The following TIAM1 variants were observed in gnomAD, a reference collection of about 807,000 sequenced individuals.
TIAM1 encodes TIAM Rac1 associated GEF 1.
In TIAM1, 65 loss-of-function variants were observed where a neutral mutation model predicts 163.5. That is an observed-to-expected ratio of 0.40 (90% CI 0.33 to 0.49). The LOEUF is 0.49. TIAM1 is among the 20% of genes least tolerant of loss of function. TIAM1 has a pLI of 0.77. For missense variants in TIAM1, 1,789 were observed against 2,044.7 expected (o/e 0.87, Z 2.41); for synonymous variants, 833 against 810.1 (o/e 1.03, Z -0.48).
Position 31,546,719 on chromosome 21 carries a change from C to G in TIAM1, c.-422+12208G>C, listed in dbSNP as rs566111437. ...AAAAAATTCAAGGATATGCATGTCA[C>G]AGCATCTACAGTGGGAGTAAAAACT... On this transcript the variant is annotated intron_variant, in intron 1 of 28. Coordinates refer to the TIAM1 transcript ENST00000286827. Among the ~76,000 whole-genome samples the G allele has an allele frequency of 4.5e-4, 68 of 152,310 alleles. No homozygotes were observed. In the South Asian group the frequency reaches 6.4e-3, roughly 14 times the overall value.
intron 8 of TIAM1, among the ~76,000 whole-genome samples, chr21:31,218,026 G>C (rs969206767): frequency 6.6e-6 from 1 of 152,128 alleles, no homozygotes; most frequent in African/African-American, 2.4e-5. Context: ...CTACAGCAAG[G>C]GAAATGAGCC....
At chr21:31,134,053 C>T (rs914416091) in intron 23 of TIAM1, among the ~76,000 whole-genome samples, 58 of 152,050 alleles carry the variant, frequency 3.8e-4, no homozygotes, top group Admixed American at 3.2e-3. Flanking sequence ...GGCAACACAG[C>T]GAGACTCCAT....
chr21:31,215,589 A>AG (rs1555893146), intron 9 of TIAM1, among the ~76,000 whole-genome samples: 7 of 147,554 alleles, frequency 4.7e-5, no homozygotes, highest in African/African-American at 1.9e-4. Context: ...AAAAAAAAAA[A>AG]GAAGAGAAAT....
At chr21:31,520,440 G>T (rs887738182) in intron 1 of TIAM1, among the ~76,000 whole-genome samples, 3 of 151,914 alleles carry the variant, frequency 2.0e-5, no homozygotes, top group South Asian at 4.2e-4. Flanking sequence ...ATAGGTTTTT[G>T]AGTGCGGTTT....
intron 2 of TIAM1, among the ~76,000 whole-genome samples, chr21:31,460,031 A>G (rs1023428386): frequency 1.3e-5 from 2 of 152,190 alleles, no homozygotes; most frequent in African/African-American, 4.8e-5. Flanking sequence ...CCCAGATTAC[A>G]GTGTGGATCT....
chr21:31,417,117 G>A (rs1233002522), intron 2 of TIAM1, among the ~76,000 whole-genome samples: 1 of 152,144 alleles, frequency 6.6e-6, no homozygotes, highest in Non-Finnish European at 1.5e-5. Flanking sequence ...CTGCCTCCTG[G>A]GTTCAAGCAA....
chr21:31,225,702 A>G (rs368428297), intron 7 of TIAM1, 24 bp downstream of exon 7: 394 of 1,569,562 alleles, frequency 2.5e-4, no homozygotes, highest in Non-Finnish European at 3.3e-4. Context: ...TTTTGTCCGG[A>G]CCTAAACACG....
chr21:31,522,603 GCCCTTGTT>G lies in TIAM1; in HGVS notation c.-422+36316_-422+36323del, dbSNP rs2047641245. ...AAACATAATTGTTTATCGTCAGGGAGCCCTTGTTCCTGGGCTGGGCCTCAGGCTTCCCA... is the reference window on the plus strand; with the variant it reads ...AAACATAATTGTTTATCGTCAGGGAGCCTGGGCTGGGCCTCAGGCTTCCCA... On this transcript the variant is annotated intron_variant, in intron 1 of 28. Transcript: ENST00000286827. 5.9e-5 allele frequency among the ~76,000 whole-genome samples: 9 copies of G among 152,084 alleles called. No individual in the cohort carries two copies. The South Asian group carries it at 8.3e-4, about 14-fold the overall frequency.
chr21:31,154,253 G>A lies in TIAM1; in HGVS notation c.3165C>T (p.Tyr1055=), dbSNP rs373676358. Residue 1055 remains tyrosine, a synonymous_variant, in exon 17 of 28, where the codon TAC becomes TAT. Transcript: ENST00000541036. ...GGAGAAAAAAGAAACATACCTTCAC[G>A]TAGGTGCGCTCCGTCTCCAGGAGCT... The part of the protein sequence containing the change: ...ICELLETERT[Y]VKDLNCLMER... 12 of 1,613,594 alleles carry A rather than the reference G, an allele frequency of 7.4e-6. No homozygotes were observed. In the African/African-American group the frequency reaches 8.0e-5, roughly 11 times the overall value.
At chr21:31,363,437 G>T (rs562692031) in intron 2 of TIAM1, among the ~76,000 whole-genome samples, 33 of 151,876 alleles carry the variant, frequency 2.2e-4, no homozygotes, top group African/African-American at 7.5e-4. Context: ...TTTTTTAAAT[G>T]GTTTTACTGC....
chr21:31,266,790 G>T lies in TIAM1; in HGVS notation c.183C>A (p.Thr61=), dbSNP rs760267512. 3 of 1,614,216 alleles carry T rather than the reference G, an allele frequency of 1.9e-6. No individual in the cohort carries two copies. The highest frequency in any genetic ancestry group is 2.2e-5 in the South Asian group (2 of 91,086). The change falls in exon 4 of 28, where the codon ACC becomes ACA. Residue 61 remains threonine (T), a synonymous_variant. Coordinates refer to ENST00000541036, the MANE Select transcript of TIAM1 (RefSeq NM_001353694.2). ...NSEVSTRSSS[T]PSIPQSLAEN... is the part of the protein sequence containing the mutation. Reference sequence around the variant, plus strand: ...CAGCCAGGGACTGGGGGATGCTGGGGGTGCTGCTGGATCGGGTGCTCACTT... The same window carrying T: ...CAGCCAGGGACTGGGGGATGCTGGGTGTGCTGCTGGATCGGGTGCTCACTT...
chr21:31,390,530 A>T (rs1602162550), intron 2 of TIAM1, among the ~76,000 whole-genome samples: 1 of 152,294 alleles, frequency 6.6e-6, no homozygotes, highest in African/African-American at 2.4e-5. Context: ...GCACCTATAC[A>T]ATCACAGATG....
At chr21:31,215,747 A>G (rs1211026077) in intron 9 of TIAM1, among the ~76,000 whole-genome samples, 2 of 152,120 alleles carry the variant, frequency 1.3e-5, no homozygotes, top group Non-Finnish European at 2.9e-5. Flanking sequence ...AAGCTCAATG[A>G]TCTACTCTCC....
chr21:31,509,809 C>G (rs1309978885), intron 1 of TIAM1, among the ~76,000 whole-genome samples: 1 of 152,182 alleles, frequency 6.6e-6, no homozygotes, highest in Non-Finnish European at 1.5e-5. Flanking sequence ...AAGGACAGTT[C>G]TTTCTACCAG....
At chr21:31,311,376 C>T (rs903242751) in intron 2 of TIAM1, among the ~76,000 whole-genome samples, 7 of 152,152 alleles carry the variant, frequency 4.6e-5, no homozygotes, top group African/African-American at 7.2e-5. Flanking sequence ...AAGCTTTAAA[C>T]ATTTAAGTCA....
chr21:31,293,377 T>C (rs2146924999), intron 2 of TIAM1, among the ~76,000 whole-genome samples: 1 of 152,212 alleles, frequency 6.6e-6, no homozygotes, highest in South Asian at 2.1e-4. Flanking sequence ...GTTAATTACA[T>C]CCAAACATAA....
At chr21:31,471,206 C>T (rs1172624383) in intron 1 of TIAM1, among the ~76,000 whole-genome samples, 1 of 152,186 alleles carries the variant, frequency 6.6e-6, no homozygotes, top group African/African-American at 2.4e-5. Flanking sequence ...GTGGGCACAA[C>T]GAAGCCCGGA....
At chr21:31,417,670 T>C (rs2043419584) in intron 2 of TIAM1, among the ~76,000 whole-genome samples, 1 of 152,122 alleles carries the variant, frequency 6.6e-6, no homozygotes, top group Non-Finnish European at 1.5e-5. Context: ...AGCAAGCACT[T>C]GCCATCAGGG....
intron 16 of TIAM1, among the ~76,000 whole-genome samples, chr21:31,158,676 A>AC (rs375296183): frequency 0.016 from 2,383 of 152,052 alleles, 58 homozygotes; most frequent in African/African-American, 0.052. Flanking sequence ...TTAAAATAAC[A>AC]CCCCCCCAAA....
Sources: gnomAD v4.1 joint callset for allele counts (sites outside exome capture counted in the v4.1 genomes callset) on GRCh38, gnomAD v4.1.1 for gene constraint, MANE v1.5 for transcripts, NCBI Gene and HGNC (gene_info 2026-07-23, HGNC 2026-07-21) for gene names.